CNTN5: variants seen among roughly 807,000 people sequenced by gnomAD.
CNTN5 encodes the protein contactin 5, also known as contactin-5.
In CNTN5, 77 loss-of-function variants were observed where a neutral mutation model predicts 129.1. The ratio of observed to expected loss-of-function variants is 0.60; its 90% confidence interval spans 0.50 to 0.72. The LOEUF (loss-of-function observed/expected upper bound fraction) is 0.72, where lower values mean the gene tolerates loss of function less well. Among genes scored for constraint, CNTN5 ranks in the 30% least tolerant of loss-of-function variants. CNTN5 has a pLI of 0.00. For synonymous variants in CNTN5, 509 were observed against 465.6 expected, an observed-to-expected ratio of 1.09 and a Z score of -1.20; for missense variants, 1,478 against 1,328.8, an observed-to-expected ratio of 1.11 and a Z score of -1.75.
rs1949779582 is a variant in CNTN5 at position 99,915,999 on chromosome 11, G to A, written c.578-55G>A. The A allele has an allele frequency of 3.0e-6, 4 of 1,338,082 alleles. No homozygotes were observed. In the South Asian group the frequency reaches 5.0e-5, roughly 17 times the overall value. 82.9% of individuals were successfully genotyped at this position (1,338,082 alleles called of 1,614,324 possible). On this transcript the variant is annotated intron_variant, in intron 6 of 24. Transcript: ENST00000524871. ...AAAGTAAGTACAAGTTACAATCATAGCAATTCTTTACATTCTTTTCTGCCT... is the reference window on the plus strand; with the variant it reads ...AAAGTAAGTACAAGTTACAATCATAACAATTCTTTACATTCTTTTCTGCCT...
intron 2 of CNTN5, among the ~76,000 whole-genome samples, chr11:99,401,573 T>C (rs1941808956): frequency 1.3e-5 from 2 of 152,208 alleles, no homozygotes; most frequent in South Asian, 4.1e-4. Context: ...TCTGTACTTT[T>C]GTGGTTCCAT....
chr11:99,032,423 C>A (rs1410669607), intron 1 of CNTN5, among the ~76,000 whole-genome samples: 1 of 149,522 alleles, frequency 6.7e-6, no homozygotes, highest in Admixed American at 6.7e-5. Flanking sequence ...TCCTCTCCAG[C>A]ACCTGTTGTT....
At chr11:99,636,672 A>G (rs181863367) in intron 3 of CNTN5, among the ~76,000 whole-genome samples, 4 of 151,774 alleles carry the variant, frequency 2.6e-5, no homozygotes, top group African/African-American at 7.2e-5. Context: ...TGATCAGGCA[A>G]CTCTTCATGT....
chr11:100,123,508 T>C (rs1449155609), intron 13 of CNTN5, among the ~76,000 whole-genome samples: 3 of 152,038 alleles, frequency 2.0e-5, no homozygotes, highest in African/African-American at 7.2e-5. Context: ...TGCCAATCAT[T>C]CATCTAAATA....
At chr11:99,741,817 A>G (rs1193152090) in intron 3 of CNTN5, among the ~76,000 whole-genome samples, 1 of 152,116 alleles carries the variant, frequency 6.6e-6, no homozygotes, top group Non-Finnish European at 1.5e-5. Context: ...TTACATTTAC[A>G]TATCATGTCT....
At chr11:99,288,874 G>T (rs2135912813) in intron 1 of CNTN5, among the ~76,000 whole-genome samples, 2 of 151,918 alleles carry the variant, frequency 1.3e-5, no homozygotes, top group South Asian at 4.2e-4. Flanking sequence ...ACTAGTTTGT[G>T]AGTATACTCA....
chr11:100,307,797 T>C lies in CNTN5; in HGVS notation c.2621-562T>C, dbSNP rs75402939. Among the ~76,000 whole-genome samples the C allele has an allele frequency of 1.3e-3, 196 of 151,688 alleles. 1 individual carries two copies. In the East Asian group the frequency reaches 0.037, roughly 28 times the overall value. On this transcript the variant is annotated intron_variant, in intron 20 of 24. Transcript: ENST00000524871. ...AAAAAATAAAATAATAATAATATGGTATTTTGTGAATGAACATTTTTAACG... is the reference window on the plus strand; with the variant it reads ...AAAAAATAAAATAATAATAATATGGCATTTTGTGAATGAACATTTTTAACG...
chr11:100,317,932 T>A (rs766779124), intron 21 of CNTN5, among the ~76,000 whole-genome samples: 1 of 152,152 alleles, frequency 6.6e-6, no homozygotes, highest in South Asian at 2.1e-4. Context: ...ATTGATGATA[T>A]GTTTTATCAT....
chr11:99,780,025 T>C (rs1178642383), intron 3 of CNTN5, among the ~76,000 whole-genome samples: 5 of 151,954 alleles, frequency 3.3e-5, no homozygotes, highest in Non-Finnish European at 7.4e-5. Flanking sequence ...AGGGAGCATG[T>C]TGTTGTTCAG....
intron 1 of CNTN5, among the ~76,000 whole-genome samples, chr11:99,189,241 A>C (rs1354881543): frequency 6.6e-6 from 1 of 151,680 alleles, no homozygotes; most frequent in African/African-American, 2.4e-5. Flanking sequence ...ATTTATACAT[A>C]TATATACACG....
intron 21 of CNTN5, among the ~76,000 whole-genome samples, chr11:100,319,175 T>G (rs183516526): frequency 1.3e-4 from 19 of 149,180 alleles, no homozygotes; most frequent in African/African-American, 4.7e-4. Context: ...TTTTTTGAGA[T>G]GGAGTCTCGC....
At chr11:99,911,796 T>C (rs914255606) in intron 6 of CNTN5, among the ~76,000 whole-genome samples, 1 of 151,748 alleles carries the variant, frequency 6.6e-6, no homozygotes, top group African/African-American at 2.4e-5. Flanking sequence ...CTCTGCCAAC[T>C]CTATTACCAC....
At chr11:99,810,675 G>T (rs867410372) in intron 3 of CNTN5, among the ~76,000 whole-genome samples, 38 of 152,040 alleles carry the variant, frequency 2.5e-4, no homozygotes, top group African/African-American at 9.2e-4. Context: ...TTCTCCACAC[G>T]ACTGGCTTTG....
intron 1 of CNTN5, among the ~76,000 whole-genome samples, chr11:99,062,256 A>G (rs1864915544): frequency 2.0e-5 from 3 of 152,212 alleles, no homozygotes; most frequent in Admixed American, 2.0e-4. Context: ...GGAGCACAAC[A>G]GGCAAGATGG....
chr11:99,666,357 G>T (rs939444172), intron 3 of CNTN5, among the ~76,000 whole-genome samples: 4 of 152,246 alleles, frequency 2.6e-5, no homozygotes, highest in African/African-American at 9.6e-5. Context: ...CAATGGGTTT[G>T]GTCTCTTCTT....
At chr11:99,339,358 T>C (rs1866403358) in intron 2 of CNTN5, among the ~76,000 whole-genome samples, 1 of 152,098 alleles carries the variant, frequency 6.6e-6, no homozygotes, top group South Asian at 2.1e-4. Context: ...TGGGTGGTTT[T>C]TTGCTTTCGT....
intron 13 of CNTN5, among the ~76,000 whole-genome samples, chr11:100,176,233 T>C (rs1947958999): frequency 6.6e-6 from 1 of 152,066 alleles, no homozygotes; most frequent in Non-Finnish European, 1.5e-5. Context: ...TTGGCTAGGC[T>C]GGTCACAAAC....
chr11:100,180,346 A>T (rs936713579), intron 13 of CNTN5, among the ~76,000 whole-genome samples: 1 of 151,988 alleles, frequency 6.6e-6, no homozygotes, highest in African/African-American at 2.4e-5. Flanking sequence ...AAAAGCAAAA[A>T]AGTAATTCAA....
intron 1 of CNTN5, among the ~76,000 whole-genome samples, chr11:99,087,251 T>C (rs1243861212): frequency 6.6e-6 from 1 of 152,184 alleles, no homozygotes; most frequent in Non-Finnish European, 1.5e-5. Flanking sequence ...CTGAGTTATC[T>C]AAGCAGAAAA....
Sources: allele counts gnomAD v4.1 joint callset (sites outside exome capture counted in the v4.1 genomes callset), GRCh38; gene constraint gnomAD v4.1.1; transcripts MANE v1.5; gene names NCBI Gene and HGNC (gene_info 2026-07-23, HGNC 2026-07-21).